EPS15: variants seen among roughly 807,000 people sequenced by gnomAD.
The protein encoded by EPS15 is epidermal growth factor receptor substrate 15.
A neutral mutation model predicts 113.8 loss-of-function variants in EPS15; 72 were observed. The ratio of observed to expected loss-of-function variants is 0.63; its 90% CI spans 0.52 to 0.77. The LOEUF (loss-of-function observed/expected upper bound fraction) is 0.77, where lower values mean the gene tolerates loss of function less well. Among genes scored for constraint, EPS15 ranks in the 30% least tolerant of loss-of-function variants. The pLI, the probability that EPS15 is intolerant of heterozygous loss-of-function variation, is 0.00. For missense variants in EPS15, 1,048 were observed against 1,045.8 expected, an observed-to-expected ratio of 1.00 and a Z score of -0.03; for synonymous variants, 344 against 363.4, an observed-to-expected ratio of 0.95 and a Z score of 0.61.
At chr1:51,489,130 C>T (rs1301901628) in intron 1 of EPS15, among the ~76,000 whole-genome samples, 3 of 148,124 alleles carry the variant, frequency 2.0e-5, no homozygotes, top group Non-Finnish European at 4.5e-5. Context: ...AACCAATATC[C>T]TAACTAATGT....
intron 12 of EPS15, among the ~76,000 whole-genome samples, chr1:51,429,298 T>A (rs183066311): frequency 6.6e-6 from 1 of 152,110 alleles, no homozygotes; most frequent in Admixed American, 6.5e-5. Flanking sequence ...ATGTATTTAA[T>A]GACATTAAGT....
intron 21 of EPS15, among the ~76,000 whole-genome samples, chr1:51,375,812 AAAC>A (rs1420594101): frequency 2.6e-5 from 4 of 152,252 alleles, no homozygotes; most frequent in Non-Finnish European, 5.9e-5. Flanking sequence ...TTGTAACTAA[AAAC>A]AAAACAAAAC....
chr1:51,382,323 G>A (rs2148382854), intron 21 of EPS15: 2 of 151,978 alleles, frequency 1.3e-5, no homozygotes, highest in African/African-American at 4.8e-5. Context: ...CACTTTAGCA[G>A]CACATATACT....
At chr1:51,518,577 G>A (rs1304079501) in intron 1 of EPS15, 1 of 152,796 alleles carries the variant, frequency 6.5e-6, no homozygotes. Context: ...CCGGCAGAGT[G>A]GGTAGTTGAG....
chr1:51,446,293 C>T (rs1653042283), intron 10 of EPS15, among the ~76,000 whole-genome samples: 1 of 152,180 alleles, frequency 6.6e-6, no homozygotes, highest in Non-Finnish European at 1.5e-5. Context: ...TGAAAGTATA[C>T]ATATACACTA....
At chr1:51,494,035 C>A (rs1452577239) in intron 1 of EPS15, among the ~76,000 whole-genome samples, 1 of 152,164 alleles carries the variant, frequency 6.6e-6, no homozygotes, top group African/African-American at 2.4e-5. Context: ...TTCTCTACCC[C>A]AACCCTACAT....
intron 1 of EPS15, among the ~76,000 whole-genome samples, chr1:51,494,164 A>G (rs1303335050): frequency 2.0e-5 from 3 of 152,126 alleles, no homozygotes; most frequent in African/African-American, 7.2e-5. Flanking sequence ...GTGAACACAT[A>G]TATTATGTCC....
intron 11 of EPS15, among the ~76,000 whole-genome samples, chr1:51,442,134 T>A (rs1352800218): frequency 6.6e-6 from 1 of 152,154 alleles, no homozygotes; most frequent in African/African-American, 2.4e-5. Flanking sequence ...AGTGTTAAAT[T>A]AAATTAGATA....
chr1:51,453,340 G>A (rs1021233900), intron 8 of EPS15, among the ~76,000 whole-genome samples: 28 of 152,116 alleles, frequency 1.8e-4, no homozygotes, highest in Admixed American at 1.3e-3. Flanking sequence ...ATTTCATGTT[G>A]CCTTGAAAAT....
intron 1 of EPS15, among the ~76,000 whole-genome samples, chr1:51,508,187 A>AGAAAT (rs1398130522): frequency 5.4e-5 from 1 of 18,598 alleles, no homozygotes; most frequent in African/African-American, 1.6e-4. Flanking sequence ...TCACAAAAAG[A>AGAAAT]GAAAAGAAAA....
intron 1 of EPS15, among the ~76,000 whole-genome samples, chr1:51,505,843 G>A (rs1644490654): frequency 1.3e-5 from 2 of 151,800 alleles, no homozygotes; most frequent in South Asian, 4.2e-4. Flanking sequence ...CCAGGCTGGA[G>A]TGCAATGGCG....
chr1:51,399,806 G>C (rs1205201758), intron 19 of EPS15, among the ~76,000 whole-genome samples: 1 of 151,978 alleles, frequency 6.6e-6, no homozygotes, highest in South Asian at 2.1e-4. Flanking sequence ...AGGTTGCAGT[G>C]AGTCAAGACC....
intron 21 of EPS15, among the ~76,000 whole-genome samples, chr1:51,393,633 A>C (rs1055667667): frequency 2.0e-5 from 3 of 152,234 alleles, no homozygotes; most frequent in Admixed American, 6.5e-5. Context: ...TTTCAGCATA[A>C]TATTAGAGTA....
intron 1 of EPS15, among the ~76,000 whole-genome samples, chr1:51,491,384 T>G (rs559626338): frequency 3.3e-5 from 5 of 152,316 alleles, no homozygotes; most frequent in Admixed American, 3.3e-4. Context: ...TAGCAACTCC[T>G]AAGGCCAAAG....
intron 1 of EPS15, among the ~76,000 whole-genome samples, chr1:51,498,092 AT>A (rs1644356762): frequency 6.6e-6 from 1 of 152,094 alleles, no homozygotes; most frequent in South Asian, 2.1e-4. Flanking sequence ...CAACTAGTCG[AT>A]AAGATAACAA....
chr1:51,455,494 G>T (rs1653921080), intron 8 of EPS15, among the ~76,000 whole-genome samples: 1 of 151,992 alleles, frequency 6.6e-6, no homozygotes, highest in Non-Finnish European at 1.5e-5. Context: ...GGAGGCTGAG[G>T]CACAAGAACA....
At chr1:51,401,532 GAC>G (rs936501382) in intron 18 of EPS15, among the ~76,000 whole-genome samples, 3 of 152,172 alleles carry the variant, frequency 2.0e-5, no homozygotes, top group African/African-American at 7.2e-5. Context: ...CTTAGACAAA[GAC>G]AGCATTAAAT....
At chr1:51,362,638 T>A (rs1247322295) in intron 23 of EPS15, among the ~76,000 whole-genome samples, 1 of 152,188 alleles carries the variant, frequency 6.6e-6, no homozygotes, top group Non-Finnish European at 1.5e-5. Flanking sequence ...TTAACTCATT[T>A]ACCTGATTTT....
intron 1 of EPS15, among the ~76,000 whole-genome samples, chr1:51,492,304 C>A (rs962383698): frequency 2.0e-5 from 3 of 152,166 alleles, no homozygotes; most frequent in Admixed American, 6.5e-5. Context: ...AACACGCTAA[C>A]ATCTCATGTT....
Sources: allele counts gnomAD v4.1 joint callset (sites outside exome capture counted in the v4.1 genomes callset), GRCh38; gene constraint gnomAD v4.1.1; transcripts MANE v1.5; gene names NCBI Gene and HGNC (gene_info 2026-07-23, HGNC 2026-07-21).